The following TAF1 variants were observed in gnomAD, a reference collection of about 807,000 sequenced individuals.
The protein encoded by TAF1 is TATA-box binding protein associated factor 1.
TAF1 carries 2 observed loss-of-function variants against 138.5 expected under a neutral mutation model. The observed-to-expected ratio is 0.01, with a 90% CI of 0.01 to 0.05. The LOEUF (loss-of-function observed/expected upper bound fraction) is 0.05, where lower values mean the gene tolerates loss of function less well. TAF1 is among the 10% of genes least tolerant of loss of function. The pLI, the probability that TAF1 is intolerant of heterozygous loss-of-function variation, is 1.00. For synonymous variants in TAF1, 437 were observed against 503.2 expected, an observed-to-expected ratio of 0.87 and a Z score of 1.76; for missense variants, 709 against 1,478.0, an observed-to-expected ratio of 0.48 and a Z score of 8.53.
Position 71,460,627 on chromosome X carries a change from T to C in TAF1, c.5223T>C (p.Ala1741=). The part of the protein sequence containing the change: ...SDEEGDNPFS[A]IQLSESGSDS... ...CCCAGAATCTGTCTCTTTTTACAGCTATCCAGCTGAGTGAAAGTGGAAGTG... is the reference window on the plus strand; with the variant it reads ...CCCAGAATCTGTCTCTTTTTACAGCCATCCAGCTGAGTGAAAGTGGAAGTG... Residue 1741 remains alanine, a splice_region_variant and synonymous_variant, in exon 37 of 38, where the codon GCT becomes GCC. Transcript: ENST00000423759. 1.7e-6 allele frequency: 2 copies of C among 1,211,094 alleles called. No homozygotes were observed. Among genetic ancestry groups the C allele is most frequent in the Non-Finnish European group, 2.2e-6 (2 of 895,184 alleles).
At chrX:71,369,834 C>T (rs1423341168) in intron 3 of TAF1, among the ~76,000 whole-genome samples, 1 of 106,977 alleles carries the variant, frequency 9.3e-6, no homozygotes, top group African/African-American at 3.4e-5. Context: ...AGGATGGTCT[C>T]GATATCCTGA....
intron 37 of TAF1, among the ~76,000 whole-genome samples, chrX:71,463,387 A>G (rs2038632361): frequency 9.0e-6 from 1 of 111,243 alleles, no homozygotes; most frequent in Admixed American, 9.6e-5. Context: ...GACTGGCGGC[A>G]TGACGACTTA....
chrX:71,370,599 C>T (rs969674912), intron 3 of TAF1, among the ~76,000 whole-genome samples: 4 of 111,726 alleles, frequency 3.6e-5, no homozygotes, highest in African/African-American at 1.3e-4. Context: ...ATCCGCCCAC[C>T]TTTGCCTCCC....
chrX:71,448,187 A>G (rs932644076), intron 32 of TAF1, among the ~76,000 whole-genome samples: 2 of 111,217 alleles, frequency 1.8e-5, no homozygotes, highest in Non-Finnish European at 3.8e-5. Flanking sequence ...TTGGAGTTCA[A>G]TTCTGTTTAA....
chrX:71,411,320 G>C (rs933607822), intron 28 of TAF1, among the ~76,000 whole-genome samples: 1 of 111,350 alleles, frequency 9.0e-6, no homozygotes, highest in Non-Finnish European at 1.9e-5. Context: ...GGCCTCAAGC[G>C]ATTCACTGAC....
In TAF1 at chrX:71,465,913, A is replaced by T. The variant is rs974699319; in HGVS notation, c.*1867A>T. ...GAGGGGGCTTCTGTGTTTGTTATGT[A>T]TGCTGGGTGGGATATTGTGCTTTTA... On this transcript the variant is annotated 3_prime_UTR_variant, in exon 38 of 38. Coordinates refer to ENST00000423759, the MANE Select transcript of TAF1 (RefSeq NM_004606.5). The T allele has an allele frequency of 8.9e-6, 1 of 112,386 alleles. No individual in the cohort carries two copies. The highest frequency in any genetic ancestry group is 3.2e-5 in the African/African-American group (1 of 30,952). 9.3% of individuals were successfully genotyped at this position (112,386 alleles called of 1,213,427 possible). A position where few individuals can be genotyped will look rare whatever the true frequency, so the allele number is the denominator to read the frequency against.
chrX:71,419,706 C>A (rs770735633), intron 28 of TAF1, among the ~76,000 whole-genome samples: 1 of 111,225 alleles, frequency 9.0e-6, no homozygotes, highest in Non-Finnish European at 1.9e-5. Flanking sequence ...TGGTGTCCTT[C>A]CAGAGCCCTG....
intron 3 of TAF1, among the ~76,000 whole-genome samples, chrX:71,370,741 C>A (rs1401727747): frequency 8.9e-6 from 1 of 111,876 alleles, no homozygotes; most frequent in Admixed American, 9.6e-5. Context: ...GTAGATAAAA[C>A]CTTGGTAAAT....
At chrX:71,461,225 A>G (rs1336126732) in intron 37 of TAF1, among the ~76,000 whole-genome samples, 1 of 111,259 alleles carries the variant, frequency 9.0e-6, no homozygotes, top group Non-Finnish European at 1.9e-5. Flanking sequence ...AGGTGGAACA[A>G]TGTGTTCAAA....
At chrX:71,398,062 G>A (rs899592378) in intron 23 of TAF1, among the ~76,000 whole-genome samples, 1 of 111,528 alleles carries the variant, frequency 9.0e-6, no homozygotes, top group Non-Finnish European at 1.9e-5. Flanking sequence ...ATTACTGGCC[G>A]GGCGCGGTGG....
chrX:71,441,529 C>A (rs1369658673), intron 32 of TAF1, among the ~76,000 whole-genome samples: 1 of 111,163 alleles, frequency 9.0e-6, no homozygotes, highest in Non-Finnish European at 1.9e-5. Context: ...ATTAGCACGT[C>A]CACCATCTCA....
chrX:71,383,699 G>A lies in TAF1; in HGVS notation c.1948-263G>A, dbSNP rs188776362. 2.8e-3 allele frequency among the ~76,000 whole-genome samples: 315 copies of A among 112,163 alleles called. 1 individual carries two copies. Among genetic ancestry groups the A allele is most frequent in the African/African-American group, 9.5e-3 (294 of 30,960 alleles). ...TAGGGAATAATGACAAGAAAAGTCT[G>A]TACCTGTTCAGCACAGATGCACTTG... On this transcript the variant is annotated intron_variant, in intron 12 of 37. Transcript: ENST00000423759.
chrX:71,378,102 T>G (rs2033613026), intron 6 of TAF1, 133 bp from the exon 7 acceptor site: 2 of 670,045 alleles, frequency 3.0e-6, no homozygotes, highest in African/African-American at 4.4e-5. Flanking sequence ...TACATCTCCA[T>G]TGTTTACATT....
chrX:71,506,993 C>T (rs1480044197), intron 13 of TAF1, among the ~76,000 whole-genome samples: 1 of 111,810 alleles, frequency 8.9e-6, no homozygotes, highest in Non-Finnish European at 1.9e-5. Context: ...TGTATGATTC[C>T]ATTTGCGTTA....
chrX:71,399,368 T>C (rs780885155), intron 24 of TAF1, among the ~76,000 whole-genome samples: 1 of 97,692 alleles, frequency 1.0e-5, no homozygotes, highest in South Asian at 5.4e-4. Context: ...GCGATTTTCC[T>C]GCCAGAGCCT....
intron 37 of TAF1, 33 bp downstream of exon 37, chrX:71,460,836 C>T (rs1427924732): frequency 6.0e-6 from 7 of 1,166,885 alleles, no homozygotes; most frequent in Non-Finnish European, 8.0e-6. Flanking sequence ...AGGGCTGTGG[C>T]ATCAGTGCCC....
Position 71,465,014 on chromosome X carries a change from C to G in TAF1, c.*968C>G, listed in dbSNP as rs1185601975. Reference sequence around the variant, plus strand: ...GAAATGGTAGGAAAATGGTAAGTTTCTTAGGGCAAAGACTGTGTCTTCTGT... The same window carrying G: ...GAAATGGTAGGAAAATGGTAAGTTTGTTAGGGCAAAGACTGTGTCTTCTGT... On this transcript the variant is annotated 3_prime_UTR_variant, in exon 38 of 38. Transcript: ENST00000423759. 1 of 83,282 alleles carries G rather than the reference C, an allele frequency of 1.2e-5. No individual in the cohort carries two copies. Among genetic ancestry groups the G allele is most frequent in the Non-Finnish European group, 2.3e-5 (1 of 44,435 alleles). The allele number at this position is 83,282 out of a possible 1,213,427, so 6.9% of individuals were successfully genotyped here. A position where few individuals can be genotyped will look rare whatever the true frequency, so the allele number is the denominator to read the frequency against.
At chrX:71,413,743 A>G (rs1433092993) in intron 28 of TAF1, 1 of 111,531 alleles carries the variant, frequency 9.0e-6, no homozygotes, top group Non-Finnish European at 1.9e-5. Flanking sequence ...CTAGTTGTAC[A>G]TCCTAGAAAT....
intron 32 of TAF1, among the ~76,000 whole-genome samples, chrX:71,434,179 G>A (rs751741186): frequency 8.1e-5 from 9 of 111,615 alleles, no homozygotes; most frequent in Non-Finnish European, 1.5e-4. Flanking sequence ...GATCAGCCCC[G>A]GCAAGAGACC....
Sources: gnomAD v4.1 joint callset for allele counts (sites outside exome capture counted in the v4.1 genomes callset) on GRCh38, gnomAD v4.1.1 for gene constraint, MANE v1.5 for transcripts, NCBI Gene and HGNC (gene_info 2026-07-23, HGNC 2026-07-21) for gene names.